The following MYOF variants were observed in gnomAD, a reference collection of about 807,000 sequenced individuals.
MYOF encodes myoferlin.
MYOF carries 244 observed loss-of-function variants against 284.2 expected under a neutral mutation model. That is an observed-to-expected ratio of 0.86 (90% CI 0.77 to 0.95). The LOEUF (loss-of-function observed/expected upper bound fraction) is 0.95. Ranked by LOEUF, MYOF falls within the 40% of genes least tolerant of loss-of-function variation. The probability of loss-of-function intolerance (pLI) is 0.00; values close to 1 mark genes in which losing one functional copy is unlikely to be tolerated. For synonymous variants in MYOF, 904 were observed against 919.7 expected (o/e 0.98, Z 0.31); for missense variants, 2,496 against 2,560.6 (o/e 0.97, Z 0.54).
chr10:93,359,028 G>C (rs796428180), intron 29 of MYOF, among the ~76,000 whole-genome samples: 6 of 152,140 alleles, frequency 3.9e-5, no homozygotes, highest in African/African-American at 1.4e-4. Flanking sequence ...AGTTAGCAAG[G>C]AGGATACAAA....
Position 93,319,872 on chromosome 10 carries a change from T to A in MYOF, c.5598A>T (p.Lys1866Asn). ...PAEQLCIVAK[K>N]EHFWSIDQTE... ...CCCAGCGGCATATTTCAGAGCTCAC[T>A]TTTTTCGCAACGATACAGAGTTGTT... Residue 1866 changes from lysine to asparagine, a missense_variant and splice_region_variant, in exon 49 of 54, where the codon AAA (lysine) becomes AAT (asparagine). By Grantham distance (94) the Lys-to-Asn change is moderately conservative. Around this residue, in one of 3 missense-constraint regions of MYOF, gnomAD observed 2,436 missense variants for 2,480.7 expected, o/e 0.98. Transcript: ENST00000359263. 1.2e-6 allele frequency: 2 copies of A among 1,613,950 alleles called. No individual in the cohort carries two copies. Among genetic ancestry groups the A allele is most frequent in the South Asian group, 2.2e-5 (2 of 91,072 alleles).
intron 4 of MYOF, among the ~76,000 whole-genome samples, chr10:93,427,998 AAG>A (rs1554861569): frequency 1.3e-5 from 2 of 152,022 alleles, no homozygotes; most frequent in Non-Finnish European, 2.9e-5. Flanking sequence ...CATTTTATAA[AAG>A]AGAGGCATTT....
chr10:93,323,043 T>A, intron 48 of MYOF, 35 bp downstream of exon 48: 1 of 1,575,238 alleles, frequency 6.3e-7, no homozygotes, highest in Non-Finnish European at 8.7e-7. Context: ...TCTGTTTCCC[T>A]GAGCTTGGCA....
chr10:93,374,948 ACGTGTAT>A lies in MYOF; in HGVS notation c.2109_2115del (p.Arg703SerfsTer34), dbSNP rs1213264911. On this transcript the variant is annotated frameshift_variant and splice_region_variant, in exon 23 of 54. Transcript: ENST00000359263. LOFTEE classifies it high-confidence loss of function. ...TTGGCTTTTCCTTCTGTGAGAGGCA[ACGTGTAT>A]CTAGAAAAATGAAGAAAAAAAGAAA... is the stretch of plus-strand genomic sequence containing the variant. The A allele has an allele frequency of 6.2e-7, 1 of 1,608,826 alleles. No homozygotes were observed. Among genetic ancestry groups the A allele is most frequent in the South Asian group, 1.1e-5 (1 of 89,662 alleles).
Position 93,378,693 on chromosome 10 carries a change from G to GTGTGTGTATATATATATATATATATA in MYOF, c.2001+1169_2001+1170insTATATATATATATATATATACACACA. On this transcript the variant is annotated intron_variant, in intron 21 of 53. Coordinates refer to ENST00000359263, the MANE Select transcript of MYOF (RefSeq NM_013451.4). ...TATGTGTGTGTGTATGTGTGTGTGT[G>GTGTGTGTATATATATATATATATATA]TATATATATATATATATATATATGT... is the stretch of plus-strand genomic sequence containing the variant. Among the ~76,000 whole-genome samples the GTGTGTGTATATATATATATATATATA allele has an allele frequency of 4.2e-3, 371 of 87,750 alleles. 8 individuals carry two copies. The highest frequency in any genetic ancestry group is 0.014 in the East Asian group (17 of 1,228). 57.6% of individuals were successfully genotyped at this position (87,750 alleles called of 152,430 possible).
intron 36 of MYOF, 38 bp downstream of exon 36, chr10:93,349,770 C>CA: frequency 6.2e-7 from 1 of 1,600,172 alleles, no homozygotes; most frequent in Non-Finnish European, 8.5e-7. Context: ...TTTCATATTT[C>CA]AACGCGCATG....
chr10:93,385,453 A>G (rs1174062352), intron 19 of MYOF, among the ~76,000 whole-genome samples: 1 of 152,188 alleles, frequency 6.6e-6, no homozygotes, highest in Non-Finnish European at 1.5e-5. Flanking sequence ...TAGCTTTACC[A>G]AAAAGTTTTG....
intron 10 of MYOF, among the ~76,000 whole-genome samples, chr10:93,402,635 T>C (rs1463464479): frequency 6.6e-6 from 1 of 151,900 alleles, no homozygotes; most frequent in Non-Finnish European, 1.5e-5. Flanking sequence ...ATAGAAATCA[T>C]CTATTTTGAA....
chr10:93,404,678 G>A lies in MYOF; in HGVS notation c.730-459C>T, dbSNP rs188265902. Among the ~76,000 whole-genome samples, 42 of 150,270 alleles carry A rather than the reference G, an allele frequency of 2.8e-4. No homozygotes were observed. The East Asian group carries it at 7.0e-3, about 25-fold the overall frequency. On this transcript the variant is annotated intron_variant, in intron 7 of 53. Transcript: ENST00000359263. ...AAAAAAAAAAGGGAAAAAGATCCAA[G>A]GTGACTTCATGCTGCAATGCTTATC...
chr10:93,432,169 A>G (rs930838556), intron 3 of MYOF, among the ~76,000 whole-genome samples: 1 of 152,098 alleles, frequency 6.6e-6, no homozygotes, highest in African/African-American at 2.4e-5. Context: ...AGAAGGATCA[A>G]TTGAGTCCAG....
At chr10:93,481,318 G>T (rs2057378587) in intron 1 of MYOF, among the ~76,000 whole-genome samples, 1 of 152,002 alleles carries the variant, frequency 6.6e-6, no homozygotes, top group Admixed American at 6.6e-5. Flanking sequence ...CTCCTGCCTT[G>T]GCCTCCCAAA....
intron 1 of MYOF, among the ~76,000 whole-genome samples, chr10:93,466,610 C>T (rs1172855103): frequency 6.6e-6 from 1 of 152,202 alleles, no homozygotes; most frequent in Admixed American, 6.5e-5. Context: ...CCCAGGAGGG[C>T]CAGGCACCTG....
At chr10:93,368,912 T>G (rs1467072282) in intron 25 of MYOF, among the ~76,000 whole-genome samples, 1 of 152,140 alleles carries the variant, frequency 6.6e-6, no homozygotes, top group East Asian at 1.9e-4. Context: ...ACCGAATACA[T>G]CTGGTAAATT....
At chr10:93,443,421 T>G (rs1249335669) in intron 3 of MYOF, among the ~76,000 whole-genome samples, 1 of 151,986 alleles carries the variant, frequency 6.6e-6, no homozygotes, top group Non-Finnish European at 1.5e-5. Flanking sequence ...GTGCTCTCTC[T>G]GTCTCTCCTC....
chr10:93,422,931 T>C (rs567292793), intron 5 of MYOF, among the ~76,000 whole-genome samples: 13 of 152,298 alleles, frequency 8.5e-5, no homozygotes, highest in Middle Eastern at 3.4e-3. Flanking sequence ...CCTAAAGGCC[T>C]GGCAGAAGGG....
rs375761459 is a variant in MYOF, at chr10:93,307,024, G to A, written c.6148-23C>T. ...GTTCTGGAAAGGAAACAAAAACAGT[G>A]GTAAAAAAACATGTATGTATATATG... On this transcript the variant is annotated intron_variant, in intron 53 of 53. Coordinates refer to ENST00000359263, the MANE Select transcript of MYOF (RefSeq NM_013451.4). The A allele has an allele frequency of 5.0e-6, 8 of 1,600,798 alleles. No homozygotes were observed. In the African/African-American group the frequency reaches 9.4e-5, roughly 19 times the overall value.
chr10:93,426,208 T>A (rs1451223706), intron 4 of MYOF, 50 bp from the exon 5 acceptor site: 4 of 1,527,544 alleles, frequency 2.6e-6, no homozygotes. Context: ...GGCACCAGCA[T>A]GTTATAGACT....
rs1038804248 is a variant in MYOF, at chr10:93,355,400, C to A, written c.3403+228G>T. ...CCTGAGGTCAGGAGGTCGAGACCAG[C>A]CTGGCTAACATGGAGGAAATGCAAA... On this transcript the variant is annotated intron_variant, in intron 31 of 53. Coordinates refer to ENST00000359263, the MANE Select transcript of MYOF (RefSeq NM_013451.4). Among the ~76,000 whole-genome samples the A allele has an allele frequency of 8.5e-5, 13 of 152,074 alleles. 1 individual carries two copies. The highest frequency in any genetic ancestry group is 2.4e-4 in the African/African-American group (10 of 41,382).
chr10:93,337,127 G>A (rs1445760421), intron 40 of MYOF, among the ~76,000 whole-genome samples: 1 of 146,714 alleles, frequency 6.8e-6, no homozygotes, highest in East Asian at 1.9e-4. Flanking sequence ...ACATGAAAAG[G>A]TGTGGGTTTT....
Sources: gnomAD v4.1 joint callset for allele counts (sites outside exome capture counted in the v4.1 genomes callset) on GRCh38, gnomAD v4.1.1 for gene constraint, gnomAD v4.1.1 regional missense constraint, MANE v1.5 for transcripts, NCBI Gene and HGNC (gene_info 2026-07-23, HGNC 2026-07-21) for gene names.